Variants in SLIT2 observed in about 807,000 individuals in gnomAD.
The protein encoded by SLIT2 is slit homolog 2 protein.
A neutral mutation model predicts 185.7 loss-of-function variants in SLIT2; 41 were observed. The observed-to-expected ratio is 0.22, with a 90% CI of 0.17 to 0.29. The LOEUF (loss-of-function observed/expected upper bound fraction) is 0.29, where lower values mean the gene tolerates loss of function less well. SLIT2 is among the 10% of genes least tolerant of loss of function. SLIT2 has a pLI of 1.00. For synonymous variants in SLIT2, 693 were observed against 680.2 expected (o/e 1.02, Z -0.29); for missense variants, 1,571 against 1,909.0 (o/e 0.82, Z 3.30).
At position 20,347,059 on chromosome 4, in the gene SLIT2, T is replaced by G. The variant is rs747881177; in HGVS notation, c.395+78178T>G. 2.6e-5 allele frequency among the ~76,000 whole-genome samples: 4 copies of G among 152,174 alleles called. No homozygotes were observed. In the South Asian group the frequency reaches 8.3e-4, roughly 32 times the overall value. ...TCCTTCATTATGATGAAGTTGACAC[T>G]CCGTATTAACCATCACAGATGATAC... On this transcript the variant is annotated intron_variant, in intron 4 of 36. Coordinates refer to ENST00000504154, the MANE Select transcript of SLIT2 (RefSeq NM_004787.4).
chr4:20,312,752 A>G (rs1480171421), intron 4 of SLIT2, among the ~76,000 whole-genome samples: 4 of 139,936 alleles, frequency 2.9e-5, no homozygotes, highest in African/African-American at 1.1e-4. Context: ...CAGCCTGGCG[A>G]TAGAGTGAGA....
chr4:20,286,738 G>C (rs1226491268), intron 4 of SLIT2, among the ~76,000 whole-genome samples: 3 of 152,160 alleles, frequency 2.0e-5, no homozygotes, highest in Non-Finnish European at 4.4e-5. Flanking sequence ...GGAGGCAAAG[G>C]TTGCAGTGAG....
chr4:20,418,104 A>G lies in SLIT2; in HGVS notation c.396-49648A>G, dbSNP rs554173706. Among the ~76,000 whole-genome samples the G allele has an allele frequency of 5.4e-4, 83 of 152,344 alleles. No individual in the cohort carries two copies. In the South Asian group the frequency reaches 0.014, roughly 27 times the overall value. On this transcript the variant is annotated intron_variant, in intron 4 of 36. Transcript: ENST00000504154. ...TGTTGGTATGTAGTGGGGTCTGACCATCAATATCAGTTGAATTGGCATGGG... is the reference window on the plus strand; with the variant it reads ...TGTTGGTATGTAGTGGGGTCTGACCGTCAATATCAGTTGAATTGGCATGGG...
chr4:20,546,086 C>T lies in SLIT2; in HGVS notation c.2332C>T (p.His778Tyr), dbSNP rs150077815. The change falls in exon 22 of 37, where the codon CAT becomes TAT. Residue 778 changes from histidine to tyrosine, a missense_variant. Physicochemically the swap from His to Tyr is moderately conservative, Grantham distance 83 (BLOSUM62 2). Coordinates refer to ENST00000504154, the MANE Select transcript of SLIT2 (RefSeq NM_004787.4). ...TCCCAAGGAACTCTCCAACTACAAA[C>T]ATTTAACACTTATGTGAGTAACATA... ...LVPKELSNYK[H>Y]LTLIDLSNNR... 1.0e-4 allele frequency: 160 copies of T among 1,579,768 alleles called. No homozygotes were observed. The highest frequency in any genetic ancestry group is 1.3e-4 in the Non-Finnish European group (153 of 1,154,810).
At chr4:20,508,685 G>T (rs1235958342) in intron 9 of SLIT2, among the ~76,000 whole-genome samples, 2 of 152,020 alleles carry the variant, frequency 1.3e-5, no homozygotes, top group African/African-American at 2.4e-5. Context: ...AAAACTCCCT[G>T]ATCTGAGTAG....
At chr4:20,516,835 A>G (rs1720260570) in intron 11 of SLIT2, among the ~76,000 whole-genome samples, 1 of 152,166 alleles carries the variant, frequency 6.6e-6, no homozygotes, top group Non-Finnish European at 1.5e-5. Flanking sequence ...CCATATAGCA[A>G]TAATTCCTAT....
At chr4:20,341,618 A>G (rs1720969030) in intron 4 of SLIT2, among the ~76,000 whole-genome samples, 1 of 152,224 alleles carries the variant, frequency 6.6e-6, no homozygotes, top group Non-Finnish European at 1.5e-5. Flanking sequence ...AAGTAATTGT[A>G]TCTAGGGGAA....
rs377384698 is a variant in SLIT2, at chr4:20,430,614, A to G, written c.396-37138A>G. On this transcript the variant is annotated intron_variant, in intron 4 of 36. Coordinates refer to ENST00000504154, the MANE Select transcript of SLIT2 (RefSeq NM_004787.4). The stretch of plus-strand genomic sequence containing the variant: ...TAACCCTTAACCTTCACCACAAGTT[A>G]CTTACCTATTTATTTATGTATCCTG... Among the ~76,000 whole-genome samples, 5 of 152,338 alleles carry G rather than the reference A, an allele frequency of 3.3e-5. 1 individual carries two copies. The South Asian group carries it at 1.0e-3, about 32-fold the overall frequency.
intron 4 of SLIT2, 73 bp downstream of exon 4, chr4:20,268,954 T>C (rs1308236591): frequency 3.3e-6 from 3 of 898,384 alleles, no homozygotes; most frequent in Non-Finnish European, 5.6e-6. Flanking sequence ...TTGGATCTGT[T>C]TGTGTGTGCT....
intron 11 of SLIT2, among the ~76,000 whole-genome samples, chr4:20,517,382 A>G (rs1006477874): frequency 4.6e-5 from 7 of 152,244 alleles, no homozygotes; most frequent in Non-Finnish European, 8.8e-5. Flanking sequence ...AAGATATTGA[A>G]TTGAATATCC....
chr4:20,465,883 G>A (rs1345608905), intron 4 of SLIT2, among the ~76,000 whole-genome samples: 1 of 152,022 alleles, frequency 6.6e-6, no homozygotes, highest in African/African-American at 2.4e-5. Context: ...GTTGGGAAGG[G>A]GAAGGCTGCA....
chr4:20,489,020 G>T, intron 8 of SLIT2, 38 bp downstream of exon 8: 1 of 1,555,384 alleles, frequency 6.4e-7, no homozygotes, highest in Non-Finnish European at 8.8e-7. Flanking sequence ...TGTGTTTATT[G>T]TATCCTGTTA....
chr4:20,255,047 G>T (rs1711652681), intron 1 of SLIT2: 3 of 456,186 alleles, frequency 6.6e-6, no homozygotes, highest in Admixed American at 4.7e-5. Flanking sequence ...CGCCGAGGCC[G>T]CCGCCCCGCG....
chr4:20,527,453 A>AT (rs1184043223), intron 15 of SLIT2, among the ~76,000 whole-genome samples: 1 of 151,956 alleles, frequency 6.6e-6, no homozygotes, highest in African/African-American at 2.4e-5. Flanking sequence ...TGCCCAGCTA[A>AT]TTTTTTGTAT....
At chr4:20,519,339 A>C (rs750841977) in intron 11 of SLIT2, 43 bp from the exon 12 acceptor site, 5 of 941,592 alleles carry the variant, frequency 5.3e-6, no homozygotes, top group East Asian at 4.8e-5. Flanking sequence ...TTTGTTATGC[A>C]GGTTTGGTGT....
chr4:20,473,722 ATC>A (rs1308891067), intron 5 of SLIT2, among the ~76,000 whole-genome samples: 2 of 151,972 alleles, frequency 1.3e-5, no homozygotes, highest in Non-Finnish European at 2.9e-5. Flanking sequence ...CATTTCAAAT[ATC>A]TGTTTTCTAG....
In SLIT2 at chr4:20,562,095, G is replaced by A. The variant is rs146116222; in HGVS notation, c.2726-5167G>A. Reference sequence around the variant, plus strand: ...TTTAGCCTTTGTGTTTTTAGCTAACGATTTTTACAATGCAAATTTACAGGA... The same window carrying A: ...TTTAGCCTTTGTGTTTTTAGCTAACAATTTTTACAATGCAAATTTACAGGA... On this transcript the variant is annotated intron_variant, in intron 26 of 36. Transcript: ENST00000504154. Among the ~76,000 whole-genome samples the A allele has an allele frequency of 7.0e-4, 106 of 151,836 alleles. 3 individuals are homozygous for A. Among genetic ancestry groups the A allele is most frequent in the African/African-American group, 2.4e-3 (100 of 41,388 alleles).
At chr4:20,545,624 C>CTAAG (rs1337234998) in intron 21 of SLIT2, among the ~76,000 whole-genome samples, 1 of 152,036 alleles carries the variant, frequency 6.6e-6, no homozygotes, top group East Asian at 1.9e-4. Flanking sequence ...TTGTTATTCA[C>CTAAG]TAAGTGTATT....
At chr4:20,394,304 TA>T (rs370448290) in intron 4 of SLIT2, among the ~76,000 whole-genome samples, 50 of 152,134 alleles carry the variant, frequency 3.3e-4, no homozygotes, top group African/African-American at 1.2e-3. Flanking sequence ...TTTTGTCGTT[TA>T]AAAAAATGTG....
Sources: gnomAD v4.1 joint callset for allele counts (sites outside exome capture counted in the v4.1 genomes callset) on GRCh38, gnomAD v4.1.1 for gene constraint, MANE v1.5 for transcripts, NCBI Gene and HGNC (gene_info 2026-07-23, HGNC 2026-07-21) for gene names.